The following BCORL1 variants were observed in gnomAD, a reference collection of about 807,000 sequenced individuals.
BCORL1 encodes the protein BCL6 corepressor like 1, also known as BCL-6 corepressor-like protein 1.
A neutral mutation model predicts 87.6 loss-of-function variants in BCORL1; 7 were observed. The observed-to-expected ratio is 0.08, with a 90% CI of 0.05 to 0.15. The LOEUF (loss-of-function observed/expected upper bound fraction) is 0.15, where lower values mean the gene tolerates loss of function less well. Ranked by LOEUF, BCORL1 falls within the 10% of genes least tolerant of loss-of-function variation. BCORL1 has a pLI of 1.00. For synonymous variants in BCORL1, 591 were observed against 634.4 expected (o/e 0.93, Z 1.03); for missense variants, 1,215 against 1,499.7 (o/e 0.81, Z 3.13).
chrX:130,006,520 C>T (rs1027628366), intron 2 of BCORL1, among the ~76,000 whole-genome samples: 3 of 109,764 alleles, frequency 2.7e-5, no homozygotes, highest in South Asian at 4.0e-4. Context: ...CCACCAAGCC[C>T]GGCTAATTTT....
chrX:130,029,976 C>T (rs185524577), intron 8 of BCORL1, among the ~76,000 whole-genome samples: 139 of 111,632 alleles, frequency 1.2e-3, no homozygotes, highest in African/African-American at 4.1e-3. Flanking sequence ...ATGATTCTTA[C>T]TGGAATCCCC....
chrX:130,057,995 G>A lies in BCORL1; in HGVS notation c.*1859G>A, dbSNP rs1932491076. 9.0e-6 allele frequency: 1 copy of A among 110,747 alleles called. No homozygotes were observed. The highest frequency in any genetic ancestry group is 1.9e-5 in the Non-Finnish European group (1 of 52,982). 9.1% of individuals were successfully genotyped at this position (110,747 alleles called of 1,213,427 possible). A position where few individuals can be genotyped will look rare whatever the true frequency, so the allele number is the denominator to read the frequency against. ...TTGCCTTTCCTTTTTTCGCATTTGG[G>A]TGTATATTCTGGCTGCCCTTTATGT... On this transcript the variant is annotated 3_prime_UTR_variant, in exon 14 of 14. Coordinates refer to ENST00000540052, the MANE Select transcript of BCORL1 (RefSeq NM_001379451.1).
At chrX:130,008,116 G>C (rs1928639754) in intron 2 of BCORL1, among the ~76,000 whole-genome samples, 1 of 110,172 alleles carries the variant, frequency 9.1e-6, no homozygotes, top group Admixed American at 9.7e-5. Flanking sequence ...TAGAGACAGG[G>C]TTTCACCATG....
Position 130,013,971 on chromosome X carries a change from CCACGCCAG to C in BCORL1, c.1201_1208del (p.Thr401CysfsTer16). ...CCAGCCCCTACACCCATGCCTGCTG[CCACGCCAG>C]CTGCCATTCCCACCTCTGCACCCAT... On this transcript the variant is annotated frameshift_variant, in exon 4 of 14. Coordinates refer to ENST00000540052, the MANE Select transcript of BCORL1 (RefSeq NM_001379451.1). LOFTEE classifies it high-confidence loss of function. The C allele has an allele frequency of 8.3e-7, 1 of 1,203,133 alleles. No individual in the cohort carries two copies. Among genetic ancestry groups the C allele is most frequent in the Non-Finnish European group, 1.1e-6 (1 of 891,667 alleles).
At chrX:129,992,473 T>G (rs1927269974) in intron 1 of BCORL1, among the ~76,000 whole-genome samples, 1 of 111,528 alleles carries the variant, frequency 9.0e-6, no homozygotes, top group Non-Finnish European at 1.9e-5. Flanking sequence ...ACAAACTCTT[T>G]GAGCTAATAC....
intron 7 of BCORL1, among the ~76,000 whole-genome samples, chrX:130,026,210 A>G (rs1930234837): frequency 8.9e-6 from 1 of 112,033 alleles, no homozygotes; most frequent in South Asian, 3.7e-4. Context: ...GCAGCAATTG[A>G]TTGCCTCCTA....
chrX:130,007,390 A>G (rs1481464040), intron 2 of BCORL1, among the ~76,000 whole-genome samples: 3 of 112,744 alleles, frequency 2.7e-5, no homozygotes, highest in African/African-American at 9.7e-5. Context: ...GAGATGATCT[A>G]GGGAAAGGCA....
intron 11 of BCORL1, among the ~76,000 whole-genome samples, chrX:130,042,827 C>T (rs1257032618): frequency 9.2e-6 from 1 of 108,737 alleles, no homozygotes; most frequent in Admixed American, 9.8e-5. Context: ...CAAAAGTTAG[C>T]TGGACCGTGG....
intron 11 of BCORL1, among the ~76,000 whole-genome samples, chrX:130,043,780 A>ATTTTT (rs1225149554): frequency 9.2e-5 from 2 of 21,742 alleles, no homozygotes; most frequent in African/African-American, 6.7e-4. Context: ...ATATATATAT[A>ATTTTT]TATATTTTTT....
At chrX:130,023,268 G>A (rs1291816393) in intron 6 of BCORL1, among the ~76,000 whole-genome samples, 2 of 112,005 alleles carry the variant, frequency 1.8e-5, no homozygotes, top group South Asian at 3.7e-4. Context: ...TGTGCCACTC[G>A]GGAAAGCTGG....
In BCORL1 at chrX:130,025,133, C is replaced by T. The variant is rs908085298; in HGVS notation, c.3832C>T (p.Arg1278Cys). 1.7e-6 allele frequency: 2 copies of T among 1,211,800 alleles called. No homozygotes were observed. Among genetic ancestry groups the T allele is most frequent in the Non-Finnish European group, 2.2e-6 (2 of 895,531 alleles). Reference protein sequence around the residue: ...VRKTQRDTQYRSHHAQDKSLL... With the variant: ...VRKTQRDTQYCSHHAQDKSLL... ...AAAGACCCAACGGGACACCCAGTAT[C>T]GCAGCCACCATGCCCAGGACAAGTC... is the stretch of plus-strand genomic sequence containing the variant. Residue 1278 changes from arginine to cysteine, a missense_variant, in exon 7 of 14, where the codon CGC becomes TGC. Transcript: ENST00000540052.
intron 11 of BCORL1, 70 bp from the exon 12 acceptor site, chrX:130,050,647 A>G: frequency 4.2e-6 from 4 of 951,287 alleles, no homozygotes; most frequent in Non-Finnish European, 4.5e-6. Flanking sequence ...CCCCGTATGC[A>G]TGGACTTCAC....
intron 2 of BCORL1, chrX:130,010,776 G>T (rs1394176668): frequency 9.1e-6 from 1 of 109,558 alleles, no homozygotes; most frequent in Non-Finnish European, 1.9e-5. Flanking sequence ...GGGTGACTGG[G>T]GAGGCGAGAG....
intron 1 of BCORL1, among the ~76,000 whole-genome samples, chrX:129,987,742 G>A (rs1414624849): frequency 8.9e-6 from 1 of 111,855 alleles, no homozygotes; most frequent in Non-Finnish European, 1.9e-5. Context: ...TCTAATCAGG[G>A]CTTGGACTGG....
intron 1 of BCORL1, among the ~76,000 whole-genome samples, chrX:129,999,590 G>C (rs996980230): frequency 1.9e-4 from 21 of 109,592 alleles, no homozygotes; most frequent in Non-Finnish European, 3.2e-4. Context: ...TTACAGGCGT[G>C]ATTACAGTGG....
Position 130,013,806 on chromosome X carries a change from C to A in BCORL1, c.1034C>A (p.Thr345Lys). 2 of 1,169,989 alleles carry A rather than the reference C, an allele frequency of 1.7e-6. No individual in the cohort carries two copies. Among genetic ancestry groups the A allele is most frequent in the Non-Finnish European group, 2.3e-6 (2 of 875,069 alleles). ...GTTCTGGCTCCCATGCCAGCATCCA[C>A]GCCTCCAGCGGCCCCTGCCCCTCCG... is the stretch of plus-strand genomic sequence containing the variant. ...TPVLAPMPAS[T>K]PPAAPAPPSV... The change falls in exon 4 of 14, where the codon ACG becomes AAG. Residue 345 changes from threonine to lysine, a missense_variant. By Grantham distance (78) the Thr-to-Lys change is moderately conservative. Around this residue, in one of 5 missense-constraint regions of BCORL1, gnomAD observed 861 missense variants for 1,010.0 expected, o/e 0.85. Transcript: ENST00000540052.
At chrX:130,021,221 A>T in intron 5 of BCORL1, 71 bp downstream of exon 5, 1 of 1,133,237 alleles carries the variant, frequency 8.8e-7, no homozygotes, top group Non-Finnish European at 1.2e-6. Flanking sequence ...GTGAGGGCAG[A>T]GGGGCTCAGG....
chrX:130,050,621 T>A, intron 11 of BCORL1, 96 bp from the exon 12 acceptor site: 1 of 717,756 alleles, frequency 1.4e-6, no homozygotes, highest in Admixed American at 2.2e-5. Context: ...TTCCTTCCCT[T>A]CTCCCATTCC....
intron 1 of BCORL1, among the ~76,000 whole-genome samples, chrX:129,995,009 C>G (rs1459216855): frequency 9.6e-6 from 1 of 104,003 alleles, no homozygotes; most frequent in Non-Finnish European, 2.0e-5. Context: ...TATGGGACTT[C>G]TTTTTTTTTT....
Sources: gnomAD v4.1 joint callset for allele counts (sites outside exome capture counted in the v4.1 genomes callset) on GRCh38, gnomAD v4.1.1 for gene constraint, gnomAD v4.1.1 regional missense constraint, MANE v1.5 for transcripts, NCBI Gene and HGNC (gene_info 2026-07-23, HGNC 2026-07-21) for gene names.